The following FMNL2 variants were observed in gnomAD, a reference collection of about 807,000 sequenced individuals.
FMNL2 encodes formin like 2, also known as formin-like protein 2.
In FMNL2, 51 loss-of-function variants were observed where a neutral mutation model predicts 130.2. That is an observed-to-expected ratio of 0.39 (90% CI 0.31 to 0.49). The LOEUF (loss-of-function observed/expected upper bound fraction) is 0.49. Among genes scored for constraint, FMNL2 ranks in the 20% least tolerant of loss-of-function variants. The pLI, the probability that FMNL2 is intolerant of heterozygous loss-of-function variation, is 0.85. For missense variants in FMNL2, 977 were observed against 1,316.2 expected (o/e 0.74, Z 3.99); for synonymous variants, 465 against 467.1 (o/e 1.00, Z 0.06).
chr2:152,341,058 A>G (rs1681771069), intron 1 of FMNL2, among the ~76,000 whole-genome samples: 1 of 152,214 alleles, frequency 6.6e-6, no homozygotes, highest in Admixed American at 6.5e-5. Flanking sequence ...AGCCACTTCC[A>G]AGGAAAGCAC....
At chr2:152,400,696 A>T (rs1376176660) in intron 1 of FMNL2, among the ~76,000 whole-genome samples, 1 of 152,162 alleles carries the variant, frequency 6.6e-6, no homozygotes, top group Non-Finnish European at 1.5e-5. Context: ...GATAACTGTT[A>T]TGTCATAGGT....
At chr2:152,460,830 GTC>G (rs1322373794) in intron 1 of FMNL2, among the ~76,000 whole-genome samples, 1 of 152,180 alleles carries the variant, frequency 6.6e-6, no homozygotes, top group Non-Finnish European at 1.5e-5. Flanking sequence ...GGATGGGACT[GTC>G]TAGTTGCAGG....
In FMNL2 at chr2:152,648,178, A is replaced by C. The variant is rs1351571600; in HGVS notation, c.*273A>C. ...ACACCAGTATGTTATTTTTAACCAA[A>C]ATGTAAAGTTCTTATTAAACTCATT... On this transcript the variant is annotated 3_prime_UTR_variant, in exon 26 of 26. Transcript: ENST00000288670. The C allele has an allele frequency of 8.1e-6, 3 of 371,220 alleles. No homozygotes were observed. Among genetic ancestry groups the C allele is most frequent in the African/African-American group, 6.4e-5 (3 of 47,224 alleles). The allele number at this position is 371,220 out of a possible 1,614,324, so 23.0% of individuals were successfully genotyped here. A position where few individuals can be genotyped will look rare whatever the true frequency, so the allele number is the denominator to read the frequency against.
intron 24 of FMNL2, among the ~76,000 whole-genome samples, chr2:152,640,384 C>G (rs1220673238): frequency 6.6e-6 from 1 of 152,194 alleles, no homozygotes; most frequent in African/African-American, 2.4e-5. Context: ...CCCATTGGTG[C>G]TGGCCTTGAT....
At chr2:152,644,147 G>A (rs1403926886) in intron 25 of FMNL2, among the ~76,000 whole-genome samples, 1 of 152,112 alleles carries the variant, frequency 6.6e-6, no homozygotes, top group African/African-American at 2.4e-5. Context: ...CTTGAGCCCA[G>A]GAGGTGGAGG....
chr2:152,477,847 A>G (rs981092603), intron 1 of FMNL2, among the ~76,000 whole-genome samples: 67 of 152,156 alleles, frequency 4.4e-4, no homozygotes, highest in Admixed American at 4.3e-3. Flanking sequence ...CGTGGTGTAT[A>G]TATATACACA....
At chr2:152,469,757 T>A (rs929263557) in intron 1 of FMNL2, among the ~76,000 whole-genome samples, 6 of 152,192 alleles carry the variant, frequency 3.9e-5, no homozygotes, top group Non-Finnish European at 8.8e-5. Flanking sequence ...ATAATTTTTT[T>A]AAAAAGAAAA....
chr2:152,415,247 G>A (rs189244867), intron 1 of FMNL2, among the ~76,000 whole-genome samples: 24 of 152,070 alleles, frequency 1.6e-4, no homozygotes, highest in Admixed American at 9.8e-4. Flanking sequence ...AGGAGTTTTT[G>A]AATCATGCAG....
intron 1 of FMNL2, among the ~76,000 whole-genome samples, chr2:152,416,895 G>C (rs537036361): frequency 1.0e-3 from 157 of 152,338 alleles, no homozygotes; most frequent in Non-Finnish European, 1.3e-3. Context: ...AGAGCAGCCT[G>C]TAGTTACTAA....
chr2:152,510,029 A>G (rs1225178415), intron 1 of FMNL2, among the ~76,000 whole-genome samples: 2 of 152,180 alleles, frequency 1.3e-5, no homozygotes, highest in African/African-American at 2.4e-5. Flanking sequence ...GATTATAGGC[A>G]TGAGCCATGA....
chr2:152,586,374 C>T (rs1580020031), intron 9 of FMNL2, among the ~76,000 whole-genome samples: 1 of 152,196 alleles, frequency 6.6e-6, no homozygotes, highest in African/African-American at 2.4e-5. Flanking sequence ...ACTCGTGCTA[C>T]ACATTATTAA....
At chr2:152,577,291 A>G (rs900966728) in intron 7 of FMNL2, among the ~76,000 whole-genome samples, 5 of 152,180 alleles carry the variant, frequency 3.3e-5, no homozygotes, top group African/African-American at 7.2e-5. Flanking sequence ...TATATTTGCT[A>G]TCTACAAAGA....
intron 1 of FMNL2, among the ~76,000 whole-genome samples, chr2:152,521,624 T>A (rs1161991383): frequency 1.3e-5 from 2 of 152,196 alleles, no homozygotes; most frequent in Non-Finnish European, 2.9e-5. Context: ...AGAAATTGGA[T>A]ACCTTGTGAC....
chr2:152,478,241 TATA>T (rs1690269327), intron 1 of FMNL2, among the ~76,000 whole-genome samples: 32 of 36,352 alleles, frequency 8.8e-4, no homozygotes, highest in South Asian at 2.2e-3. Context: ...TATATATATA[TATA>T]TATATATTTT....
At position 152,335,343 on chromosome 2, in the gene FMNL2, C is replaced by T. The variant is rs1305248105; in HGVS notation, c.-261C>T. On this transcript the variant is annotated 5_prime_UTR_variant, in exon 1 of 26. It introduces an in-frame stop codon into an upstream open reading frame of the 5' UTR. Coordinates refer to ENST00000288670, the MANE Select transcript of FMNL2 (RefSeq NM_052905.4). ...GCGGAGCACCATGCACATAGGCGCCCAGCGCCCCAACTACCCCTCCCGAGG... is the reference window on the plus strand; with the variant it reads ...GCGGAGCACCATGCACATAGGCGCCTAGCGCCCCAACTACCCCTCCCGAGG... 2.3e-5 allele frequency: 5 copies of T among 220,288 alleles called. No homozygotes were observed. The highest frequency in any genetic ancestry group is 1.2e-4 in the Admixed American group (2 of 16,958). 13.6% of individuals were successfully genotyped at this position (220,288 alleles called of 1,614,324 possible). A position where few individuals can be genotyped will look rare whatever the true frequency, so the allele number is the denominator to read the frequency against.
chr2:152,596,684 A>G (rs1190234841), intron 9 of FMNL2, among the ~76,000 whole-genome samples: 3 of 152,296 alleles, frequency 2.0e-5, no homozygotes, highest in South Asian at 4.2e-4. Context: ...ACTTAGGGAG[A>G]TTGACTCGTA....
chr2:152,352,963 TA>T (rs529920483), intron 1 of FMNL2, among the ~76,000 whole-genome samples: 62 of 152,208 alleles, frequency 4.1e-4, no homozygotes, highest in Admixed American at 9.8e-4. Context: ...TGCTTATTTT[TA>T]AAAAAACAAA....
chr2:152,592,018 G>A (rs1348914243), intron 9 of FMNL2, among the ~76,000 whole-genome samples: 2 of 152,078 alleles, frequency 1.3e-5, no homozygotes, highest in African/African-American at 2.4e-5. Context: ...CAGGAGAATC[G>A]CTTGAACCCG....
chr2:152,356,033 G>A (rs1248365707), intron 1 of FMNL2, among the ~76,000 whole-genome samples: 2 of 152,166 alleles, frequency 1.3e-5, no homozygotes, highest in African/African-American at 4.8e-5. Flanking sequence ...GTTTGCTTCT[G>A]AATTTATAGA....
Sources: allele counts gnomAD v4.1 joint callset (sites outside exome capture counted in the v4.1 genomes callset), GRCh38; gene constraint gnomAD v4.1.1; transcripts MANE v1.5; gene names NCBI Gene and HGNC (gene_info 2026-07-23, HGNC 2026-07-21).